Variants in DSCAM observed in about 807,000 individuals in gnomAD.
DSCAM encodes the protein DS cell adhesion molecule.
A neutral mutation model predicts 217.7 loss-of-function variants in DSCAM; 47 were observed. The observed-to-expected ratio is 0.22, with a 90% CI of 0.17 to 0.28. DSCAM has a LOEUF of 0.28. Ranked by LOEUF, DSCAM falls within the 10% of genes least tolerant of loss-of-function variation. DSCAM has a pLI of 1.00. For missense variants in DSCAM, 2,080 were observed against 2,618.3 expected (o/e 0.79, Z 4.49); for synonymous variants, 1,056 against 1,015.3 (o/e 1.04, Z -0.76).
chr21:40,602,368 AT>A (rs2077069124), intron 3 of DSCAM, among the ~76,000 whole-genome samples: 1 of 152,098 alleles, frequency 6.6e-6, no homozygotes, highest in African/African-American at 2.4e-5. Flanking sequence ...CTCAGCTTTT[AT>A]TTTTAGGAAG....
chr21:40,766,344 T>C (rs2091389279), intron 1 of DSCAM, among the ~76,000 whole-genome samples: 1 of 152,068 alleles, frequency 6.6e-6, no homozygotes, highest in Non-Finnish European at 1.5e-5. Flanking sequence ...TATATATATA[T>C]ATTTTCAAAG....
chr21:40,468,340 T>G (rs973594177), intron 3 of DSCAM, among the ~76,000 whole-genome samples: 1 of 152,114 alleles, frequency 6.6e-6, no homozygotes, highest in Non-Finnish European at 1.5e-5. Context: ...ACTTTTTGGT[T>G]TGTAATAAGA....
intron 11 of DSCAM, among the ~76,000 whole-genome samples, chr21:40,258,671 C>T (rs1407560369): frequency 1.3e-5 from 2 of 152,248 alleles, no homozygotes; most frequent in Non-Finnish European, 2.9e-5. Context: ...TCTGCCCTGG[C>T]ATGCTTATAC....
chr21:40,289,503 C>T (rs2067141104), intron 10 of DSCAM, among the ~76,000 whole-genome samples: 1 of 152,160 alleles, frequency 6.6e-6, no homozygotes, highest in African/African-American at 2.4e-5. Context: ...TTTTCACTTT[C>T]CATGGTTTAA....
chr21:40,226,875 C>T (rs562198210), intron 11 of DSCAM, among the ~76,000 whole-genome samples: 18 of 152,220 alleles, frequency 1.2e-4, no homozygotes, highest in African/African-American at 4.3e-4. Flanking sequence ...CCGTTAGTTA[C>T]TTTTCCTGAT....
intron 3 of DSCAM, among the ~76,000 whole-genome samples, chr21:40,424,851 T>C (rs951135622): frequency 2.0e-5 from 3 of 152,080 alleles, no homozygotes; most frequent in Non-Finnish European, 2.9e-5. Flanking sequence ...CCCAGCACTT[T>C]GGGAGGACAA....
intron 3 of DSCAM, among the ~76,000 whole-genome samples, chr21:40,382,628 C>G (rs1187322952): frequency 6.6e-6 from 1 of 152,212 alleles, no homozygotes; most frequent in Non-Finnish European, 1.5e-5. Flanking sequence ...CTTACAAGAA[C>G]ACGCAAGGGT....
At chr21:40,655,970 T>C (rs11701167) in intron 3 of DSCAM, among the ~76,000 whole-genome samples, 11,808 of 152,148 alleles carry the variant, frequency 0.078, 529 homozygotes, top group South Asian at 0.13. Context: ...GGAGGATTGC[T>C]TAGCCCAGGA....
intron 8 of DSCAM, among the ~76,000 whole-genome samples, chr21:40,334,371 T>C (rs2074407419): frequency 6.6e-6 from 1 of 152,296 alleles, no homozygotes; most frequent in South Asian, 2.1e-4. Flanking sequence ...TAGAAAGCAA[T>C]GCCATTCTTC....
At chr21:40,761,547 A>AG (rs1164664157) in intron 1 of DSCAM, among the ~76,000 whole-genome samples, 3 of 152,168 alleles carry the variant, frequency 2.0e-5, no homozygotes, top group Non-Finnish European at 4.4e-5. Context: ...CACAGCTCTC[A>AG]GAAAAAAAAC....
chr21:40,310,517 T>C (rs1219007336), intron 9 of DSCAM, among the ~76,000 whole-genome samples: 1 of 152,272 alleles, frequency 6.6e-6, no homozygotes. Context: ...GAGACATCAG[T>C]CATATCATGA....
chr21:40,795,366 TC>T (rs1426736254), intron 1 of DSCAM, among the ~76,000 whole-genome samples: 2 of 148,006 alleles, frequency 1.4e-5, no homozygotes, highest in African/African-American at 2.5e-5. Flanking sequence ...TTTTTTTTTT[TC>T]GAAATCCAAG....
chr21:40,446,482 A>C (rs1485372892), intron 3 of DSCAM, among the ~76,000 whole-genome samples: 4 of 152,210 alleles, frequency 2.6e-5, no homozygotes, highest in Non-Finnish European at 5.9e-5. Context: ...GTATCCTTCC[A>C]GTTTATCTTC....
At chr21:40,052,462 C>G (rs940921001) in intron 29 of DSCAM, among the ~76,000 whole-genome samples, 1 of 152,114 alleles carries the variant, frequency 6.6e-6, no homozygotes, top group Non-Finnish European at 1.5e-5. Flanking sequence ...ACATCATCTG[C>G]GATGCCAGCC....
chr21:40,643,041 T>C (rs2089902437), intron 3 of DSCAM, among the ~76,000 whole-genome samples: 1 of 152,206 alleles, frequency 6.6e-6, no homozygotes, highest in Non-Finnish European at 1.5e-5. Flanking sequence ...CTGCAGTCTC[T>C]GGAGTGAACT....
At chr21:40,049,163 T>C (rs897301648) in intron 30 of DSCAM, among the ~76,000 whole-genome samples, 6 of 152,186 alleles carry the variant, frequency 3.9e-5, no homozygotes, top group East Asian at 1.9e-4. Flanking sequence ...TAAGCTATAG[T>C]GTTTCCCTGT....
intron 11 of DSCAM, among the ~76,000 whole-genome samples, chr21:40,232,298 C>T (rs1398310937): frequency 1.3e-5 from 2 of 152,168 alleles, no homozygotes; most frequent in South Asian, 2.1e-4. Flanking sequence ...AGAGGCTTAG[C>T]CACCTGTTAT....
chr21:40,201,876 G>T (rs1001712159), intron 11 of DSCAM, among the ~76,000 whole-genome samples: 1 of 152,216 alleles, frequency 6.6e-6, no homozygotes, highest in African/African-American at 2.4e-5. Flanking sequence ...GGTAAGTGCT[G>T]TCCAGGATAT....
chr21:40,151,867 T>C (rs1382220610), intron 16 of DSCAM, among the ~76,000 whole-genome samples: 2 of 152,202 alleles, frequency 1.3e-5, no homozygotes, highest in African/African-American at 4.8e-5. Context: ...TTTGGAGGGG[T>C]TGAGCTTCAT....
Sources: allele counts gnomAD v4.1 joint callset (sites outside exome capture counted in the v4.1 genomes callset), GRCh38; gene constraint gnomAD v4.1.1; transcripts MANE v1.5; gene names NCBI Gene and HGNC (gene_info 2026-07-23, HGNC 2026-07-21).